SLC4A4: variants seen among roughly 807,000 people sequenced by gnomAD.
SLC4A4 encodes the protein electrogenic sodium bicarbonate cotransporter 1.
SLC4A4 carries 27 observed loss-of-function variants against 111.5 expected under a neutral mutation model. The ratio of observed to expected loss-of-function variants is 0.24; its 90% CI spans 0.18 to 0.33. SLC4A4 has a LOEUF of 0.33. Among genes scored for constraint, SLC4A4 ranks in the 10% least tolerant of loss-of-function variants. The pLI is 1.00. For synonymous variants in SLC4A4, 443 were observed against 463.4 expected, an observed-to-expected ratio of 0.96 and a Z score of 0.57; for missense variants, 909 against 1,315.5, an observed-to-expected ratio of 0.69 and a Z score of 4.78.
chr4:71,489,318 A>G lies in SLC4A4; in HGVS notation c.1974+2300A>G, dbSNP rs368984062. 6.6e-5 allele frequency among the ~76,000 whole-genome samples: 10 copies of G among 151,888 alleles called. No individual in the cohort carries two copies. The East Asian group carries it at 1.8e-3, about 27-fold the overall frequency. ...CCTTATTTCTGTCCTTTCAGGAAGCAGCATAGTGTTTTATGTAGAGGAACT... is the reference window on the plus strand; with the variant it reads ...CCTTATTTCTGTCCTTTCAGGAAGCGGCATAGTGTTTTATGTAGAGGAACT... On this transcript the variant is annotated intron_variant, in intron 15 of 25. Coordinates refer to ENST00000264485, the MANE Select transcript of SLC4A4 (RefSeq NM_001098484.3).
At chr4:71,358,239 C>T (rs4074379) in intron 6 of SLC4A4, among the ~76,000 whole-genome samples, 6,613 of 151,006 alleles carry the variant, frequency 0.044, 318 homozygotes, top group East Asian at 0.12. Context: ...AGCTTAAACC[C>T]GGGAGGGGGA....
chr4:71,261,793 G>A (rs1236873190), intron 3 of SLC4A4, among the ~76,000 whole-genome samples: 2 of 152,290 alleles, frequency 1.3e-5, no homozygotes, highest in East Asian at 1.9e-4. Flanking sequence ...GCCATGAGAT[G>A]TTATGAGTAG....
chr4:71,327,120 C>T (rs1484855125), intron 3 of SLC4A4, among the ~76,000 whole-genome samples: 2 of 151,922 alleles, frequency 1.3e-5, no homozygotes, highest in Non-Finnish European at 1.5e-5. Flanking sequence ...ATCACTATTT[C>T]TATTAAAGCA....
intron 1 of SLC4A4, among the ~76,000 whole-genome samples, chr4:71,229,703 T>G (rs879490757): frequency 5.9e-5 from 9 of 152,018 alleles, no homozygotes; most frequent in Non-Finnish European, 8.8e-5. Context: ...GATGTCCCTT[T>G]CCCCCAGTAT....
chr4:71,065,051 C>A (rs2148927559), intron 1 of SLC4A4, among the ~76,000 whole-genome samples: 1 of 152,126 alleles, frequency 6.6e-6, no homozygotes, highest in South Asian at 2.1e-4. Context: ...AATAATAAAC[C>A]TTTGAATATT....
intron 14 of SLC4A4, among the ~76,000 whole-genome samples, chr4:71,486,086 A>G (rs957143316): frequency 1.3e-5 from 2 of 151,516 alleles, no homozygotes; most frequent in Non-Finnish European, 3.0e-5. Context: ...TAAATAAACT[A>G]TGGGACCCTA....
intron 12 of SLC4A4, among the ~76,000 whole-genome samples, chr4:71,455,632 G>T (rs1292150034): frequency 6.6e-6 from 1 of 152,174 alleles, no homozygotes; most frequent in Non-Finnish European, 1.5e-5. Flanking sequence ...TCTTCCGTCT[G>T]TCAGAATGTA....
At chr4:71,172,335 A>C (rs1466920328) in intron 2 of SLC4A4, among the ~76,000 whole-genome samples, 1 of 150,776 alleles carries the variant, frequency 6.6e-6, no homozygotes, top group Admixed American at 6.6e-5. Context: ...GGCTCACTGC[A>C]ACCTCTGCCT....
intron 2 of SLC4A4, among the ~76,000 whole-genome samples, chr4:71,120,940 G>A (rs1472603462): frequency 1.3e-5 from 2 of 152,198 alleles, no homozygotes; most frequent in Non-Finnish European, 2.9e-5. Context: ...AGAGGCGCCG[G>A]CAGGAACCAG....
At chr4:71,334,537 A>AT (rs1402908502) in intron 3 of SLC4A4, among the ~76,000 whole-genome samples, 1 of 152,036 alleles carries the variant, frequency 6.6e-6, no homozygotes, top group Non-Finnish European at 1.5e-5. Flanking sequence ...AGTCATATGC[A>AT]CCCCAAGTCT....
At chr4:71,374,352 C>T (rs1461417389) in intron 6 of SLC4A4, among the ~76,000 whole-genome samples, 1 of 152,068 alleles carries the variant, frequency 6.6e-6, no homozygotes, top group Non-Finnish European at 1.5e-5. Flanking sequence ...TTAAAAATTC[C>T]TTCACTGTAG....
chr4:71,187,692 C>T (rs1745544912), intron 1 of SLC4A4, among the ~76,000 whole-genome samples: 1 of 152,168 alleles, frequency 6.6e-6, no homozygotes, highest in African/African-American at 2.4e-5. Flanking sequence ...CGCAACTGGG[C>T]GTCTTTACGA....
Position 71,212,585 on chromosome 4 carries a change from A to T in SLC4A4, c.-1-23991A>T, listed in dbSNP as rs116976507. Among the ~76,000 whole-genome samples, 34 of 152,340 alleles carry T rather than the reference A, an allele frequency of 2.2e-4. No individual in the cohort carries two copies. The East Asian group carries it at 4.4e-3, about 20-fold the overall frequency. Reference sequence around the variant, plus strand: ...CACAATGGGGTTGGAGAACCATGGGATATGAAAGTGTGAGGGGAAGGTTGA... The same window carrying T: ...CACAATGGGGTTGGAGAACCATGGGTTATGAAAGTGTGAGGGGAAGGTTGA... On this transcript the variant is annotated intron_variant, in intron 1 of 25. Transcript: ENST00000264485.
intron 6 of SLC4A4, among the ~76,000 whole-genome samples, chr4:71,364,279 T>A (rs1731050005): frequency 6.6e-6 from 1 of 152,204 alleles, no homozygotes; most frequent in Non-Finnish European, 1.5e-5. Context: ...ATAATCTCTT[T>A]GAGCCTCAGT....
chr4:71,357,308 C>A, intron 6 of SLC4A4, 121 bp downstream of exon 6: 1 of 947,354 alleles, frequency 1.1e-6, no homozygotes, highest in Non-Finnish European at 1.7e-6. Flanking sequence ...GTTCATATGC[C>A]ATAGTCATTT....
intron 7 of SLC4A4, among the ~76,000 whole-genome samples, chr4:71,406,313 G>A (rs1289211145): frequency 1.3e-5 from 1 of 76,458 alleles, no homozygotes; most frequent in Non-Finnish European, 2.6e-5. Context: ...ATAAAAAGAT[G>A]AGCCAACACT....
chr4:71,107,537 A>G (rs1265217557), intron 2 of SLC4A4, among the ~76,000 whole-genome samples: 2 of 151,844 alleles, frequency 1.3e-5, no homozygotes, highest in Non-Finnish European at 2.9e-5. Context: ...TTTAGTAGAG[A>G]CGGGGTTTCA....
intron 1 of SLC4A4, among the ~76,000 whole-genome samples, chr4:71,218,531 A>T (rs953840254): frequency 1.3e-5 from 2 of 152,212 alleles, no homozygotes; most frequent in Non-Finnish European, 2.9e-5. Flanking sequence ...TTCCAGACCC[A>T]TTCAAATCCG....
chr4:71,572,021 A>T lies in SLC4A4; in HGVS notation c.*4270A>T, dbSNP rs1258407422. ...GGAATTAAGAGATGAAGAAGATGAG[A>T]TATTTTAGCATTTATATTTTTCAAA... On this transcript the variant is annotated 3_prime_UTR_variant, in exon 26 of 26. Coordinates refer to ENST00000264485, the MANE Select transcript of SLC4A4 (RefSeq NM_001098484.3). 1.3e-5 allele frequency: 2 copies of T among 152,284 alleles called. No homozygotes were observed. The allele number at this position is 152,284 out of a possible 1,614,324, so 9.4% of individuals were successfully genotyped here.
Sources: gnomAD v4.1 joint callset for allele counts (sites outside exome capture counted in the v4.1 genomes callset) on GRCh38, gnomAD v4.1.1 for gene constraint, MANE v1.5 for transcripts, NCBI Gene and HGNC (gene_info 2026-07-23, HGNC 2026-07-21) for gene names.